Variants in RTL9 observed in about 807,000 individuals in gnomAD.
RTL9 encodes the protein retrotransposon Gag like 9.
A neutral mutation model predicts 44.7 loss-of-function variants in RTL9; 19 were observed. That is an observed-to-expected ratio of 0.42 (90% CI 0.30 to 0.62). The LOEUF (loss-of-function observed/expected upper bound fraction) is 0.62. Ranked by LOEUF, RTL9 falls within the 20% of genes least tolerant of loss-of-function variation. The probability of loss-of-function intolerance (pLI) is 0.16; values close to 1 mark genes in which losing one functional copy is unlikely to be tolerated. For missense variants in RTL9, 1,105 were observed against 1,080.6 expected (o/e 1.02, Z -0.32); for synonymous variants, 407 against 398.9 (o/e 1.02, Z -0.24).
At chrX:110,431,252 G>T (rs1195222091) in intron 1 of RTL9, among the ~76,000 whole-genome samples, 2 of 110,964 alleles carry the variant, frequency 1.8e-5, no homozygotes, top group Admixed American at 9.6e-5. Flanking sequence ...TTACCTGGGG[G>T]TTTGCAGTGA....
intron 1 of RTL9, among the ~76,000 whole-genome samples, chrX:110,429,564 C>T (rs939003433): frequency 1.2e-4 from 13 of 108,300 alleles, no homozygotes; most frequent in Admixed American, 3.0e-4. Flanking sequence ...CTCACTGCAA[C>T]CTCCGCCTCC....
intron 1 of RTL9, among the ~76,000 whole-genome samples, chrX:110,443,693 G>A (rs2068894461): frequency 8.9e-6 from 1 of 112,325 alleles, no homozygotes; most frequent in Admixed American, 9.4e-5. Context: ...AAACACGATC[G>A]GATCTGCACT....
rs575449892 is a variant in RTL9, at chrX:110,393,301, T to C, written c.-168+34385T>C. Among the ~76,000 whole-genome samples, 43 of 112,172 alleles carry C rather than the reference T, an allele frequency of 3.8e-4. No individual in the cohort carries two copies. In the South Asian group the frequency reaches 0.016, roughly 42 times the overall value. Reference sequence around the variant, plus strand: ...TTTACCTCATAGTTGTTATGTAAAGTGCTTATCCCAGAGCCTGGCAGAGAG... The same window carrying C: ...TTTACCTCATAGTTGTTATGTAAAGCGCTTATCCCAGAGCCTGGCAGAGAG... On this transcript the variant is annotated intron_variant, in intron 1 of 2. Transcript: ENST00000520821.
chrX:110,415,328 A>C (rs943565596), upstream of RTL9, among the ~76,000 whole-genome samples: 9 of 112,707 alleles, frequency 8.0e-5, no homozygotes, highest in African/African-American at 2.9e-4. Context: ...CTATGACTAC[A>C]GTGCTATAAA....
At chrX:110,375,206 T>C (rs953713017) in intron 1 of RTL9, among the ~76,000 whole-genome samples, 2 of 111,927 alleles carry the variant, frequency 1.8e-5, no homozygotes, top group African/African-American at 3.3e-5. Flanking sequence ...AATAATCTAC[T>C]AGCAAATTCA....
At chrX:110,439,327 A>T (rs1218827030) in intron 1 of RTL9, among the ~76,000 whole-genome samples, 3 of 112,079 alleles carry the variant, frequency 2.7e-5, no homozygotes, top group Non-Finnish European at 5.6e-5. Flanking sequence ...ATTGAAAGGG[A>T]CCATTCGTGG....
intron 1 of RTL9, among the ~76,000 whole-genome samples, chrX:110,361,507 C>G (rs2068263343): frequency 9.0e-6 from 1 of 111,236 alleles, no homozygotes; most frequent in South Asian, 3.8e-4. Context: ...GCTCAAAACT[C>G]CTCCAATGGC....
At chrX:110,404,908 T>C (rs1440711033) in intron 1 of RTL9, among the ~76,000 whole-genome samples, 1 of 111,684 alleles carries the variant, frequency 9.0e-6, no homozygotes, top group African/African-American at 3.3e-5. Flanking sequence ...AAAATACACA[T>C]AGTAGCATTT....
chrX:110,440,064 C>T (rs2068868659), intron 1 of RTL9: 1 of 111,180 alleles, frequency 9.0e-6, no homozygotes, highest in African/African-American at 3.3e-5. Context: ...CAGACCACCC[C>T]CAGGATGTCT....
intron 1 of RTL9, among the ~76,000 whole-genome samples, chrX:110,379,091 A>T (rs2068399973): frequency 8.9e-6 from 1 of 111,980 alleles, no homozygotes; most frequent in Non-Finnish European, 1.9e-5. Context: ...TGATTTTTTA[A>T]GAACATGCTA....
chrX:110,420,118 C>T (rs769318316), intron 1 of RTL9, among the ~76,000 whole-genome samples: 1 of 111,656 alleles, frequency 9.0e-6, no homozygotes, highest in South Asian at 3.8e-4. Flanking sequence ...CAGCCCCCAC[C>T]TCATGTTACC....
At chrX:110,450,479 A>T (rs2068932382), upstream of RTL9, 1 of 524,483 alleles carries the variant, frequency 1.9e-6, no homozygotes, top group Non-Finnish European at 3.2e-6. Flanking sequence ...ACAACGCATA[A>T]AAACAGGTCT....
chrX:110,442,245 CTCTGTG>C (rs1453573364), intron 1 of RTL9, among the ~76,000 whole-genome samples: 3 of 100,784 alleles, frequency 3.0e-5, no homozygotes, highest in Admixed American at 1.0e-4. Flanking sequence ...CTCTCTCTCT[CTCTGTG>C]TGTGTGTGTG....
At chrX:110,439,743 G>T (rs1242416432) in intron 1 of RTL9, 1 of 110,784 alleles carries the variant, frequency 9.0e-6, no homozygotes, top group African/African-American at 3.3e-5. Context: ...AGTTTCGGGC[G>T]AAGGGGAGCC....
rs758878978 is a variant in RTL9, at chrX:110,454,206, G to T, written c.3589G>T (p.Ala1197Ser). The T allele has an allele frequency of 4.1e-6, 5 of 1,210,206 alleles. No homozygotes were observed. The East Asian group carries it at 1.2e-4, about 29-fold the overall frequency. The change falls in exon 1 of 2, where the codon GCA (alanine) becomes TCA (serine). Residue 1197 changes from alanine to serine, a missense_variant. By Grantham distance (99) the Ala-to-Ser change is moderately conservative. Transcript: ENST00000540313. ...TCTGGTATCTCTTCATCTGGGAGCA[G>T]CAGAGAGGTGGTTCATCTTGCAAAT...
chrX:110,424,941 A>G (rs1276200522), intron 1 of RTL9, among the ~76,000 whole-genome samples: 5 of 111,697 alleles, frequency 4.5e-5, no homozygotes, highest in African/African-American at 6.5e-5. Context: ...GGTGGTTTTC[A>G]TTTAGTCTTG....
At chrX:110,440,072 T>C (rs536419063) in intron 1 of RTL9, 1 of 111,140 alleles carries the variant, frequency 9.0e-6, no homozygotes, top group South Asian at 3.9e-4. Flanking sequence ...CCCCAGGATG[T>C]CTCTCATCCT....
chrX:110,418,496 G>A (rs951618079), upstream of RTL9, among the ~76,000 whole-genome samples: 2 of 112,037 alleles, frequency 1.8e-5, no homozygotes, highest in African/African-American at 3.2e-5. Context: ...TTAGTGATCA[G>A]GGCCAAATGA....
intron 1 of RTL9, among the ~76,000 whole-genome samples, chrX:110,409,959 C>T (rs766118211): frequency 8.9e-6 from 1 of 112,186 alleles, no homozygotes; most frequent in East Asian, 2.8e-4. Flanking sequence ...TGTTGAAATA[C>T]AGATGCAGTG....
Sources: gnomAD v4.1 joint callset for allele counts (sites outside exome capture counted in the v4.1 genomes callset) on GRCh38, gnomAD v4.1.1 for gene constraint, MANE v1.5 for transcripts, NCBI Gene and HGNC (gene_info 2026-07-23, HGNC 2026-07-21) for gene names.